Variants in AFG2A observed in about 807,000 individuals in gnomAD.
AFG2A encodes AAA ATPase AFG2A.
the AFG2A span, among the ~76,000 whole-genome samples, chr4:123,045,202 CTA>C: frequency 1.3e-5 from 2 of 152,010 alleles, no homozygotes. Context: ...TTTAAGATCT[CTA>C]AACTTTACAG....
At chr4:122,982,005 C>G in the AFG2A span, among the ~76,000 whole-genome samples, 1 of 151,440 alleles carries the variant, frequency 6.6e-6, no homozygotes. Flanking sequence ...CTTTTTCTTG[C>G]CTAATTTCCC....
chr4:123,239,861 T>G, the AFG2A span, among the ~76,000 whole-genome samples: 77,966 of 151,974 alleles, frequency 0.51, 24,581 homozygotes, highest in Non-Finnish European at 0.67. Flanking sequence ...GGCTAAATGC[T>G]CCAATTAAAA....
the AFG2A span, among the ~76,000 whole-genome samples, chr4:123,142,817 A>T: frequency 6.6e-6 from 1 of 152,068 alleles, no homozygotes; most frequent in South Asian, 2.1e-4. Flanking sequence ...AGGAATGATA[A>T]CTCTTTTGTA....
chr4:123,210,033 A>G, the AFG2A span, among the ~76,000 whole-genome samples: 1 of 152,122 alleles, frequency 6.6e-6, no homozygotes, highest in African/African-American at 2.4e-5. Context: ...CACTTTGGGA[A>G]ATATTCCCTA....
At chr4:122,952,361 G>T in the AFG2A span, among the ~76,000 whole-genome samples, 7 of 152,190 alleles carry the variant, frequency 4.6e-5, no homozygotes, top group Middle Eastern at 3.4e-3. Flanking sequence ...TGGTTCAAAG[G>T]CCTCATCCTT....
At chr4:122,983,775 T>G in the AFG2A span, among the ~76,000 whole-genome samples, 1 of 152,202 alleles carries the variant, frequency 6.6e-6, no homozygotes, top group Admixed American at 6.5e-5. Context: ...AATATGTATT[T>G]GAGAGCCCCA....
the AFG2A span, among the ~76,000 whole-genome samples, chr4:123,088,458 C>T: frequency 5.9e-5 from 9 of 152,174 alleles, no homozygotes; most frequent in Non-Finnish European, 1.0e-4. Flanking sequence ...CTTTTGCCAA[C>T]TGTGTTTCTA....
chr4:123,101,839 T>G, the AFG2A span, among the ~76,000 whole-genome samples: 1 of 151,880 alleles, frequency 6.6e-6, no homozygotes, highest in South Asian at 2.1e-4. Flanking sequence ...GGGGCCAGAG[T>G]GCCTTATACA....
At chr4:123,216,583 T>C in the AFG2A span, among the ~76,000 whole-genome samples, 1 of 152,092 alleles carries the variant, frequency 6.6e-6, no homozygotes, top group Non-Finnish European at 1.5e-5. Context: ...ACACAACATT[T>C]ATGTAAAACT....
At chr4:123,082,289 C>T in the AFG2A span, among the ~76,000 whole-genome samples, 1 of 152,024 alleles carries the variant, frequency 6.6e-6, no homozygotes, top group South Asian at 2.1e-4. Flanking sequence ...GTAATCTACT[C>T]CGAGTCAGTT....
At chr4:123,107,757 C>T in the AFG2A span, among the ~76,000 whole-genome samples, 1 of 152,240 alleles carries the variant, frequency 6.6e-6, no homozygotes, top group African/African-American at 2.4e-5. Flanking sequence ...CAGCCTCCCT[C>T]CCATGCTCAC....
At chr4:123,101,445 A>G in the AFG2A span, among the ~76,000 whole-genome samples, 102 of 152,088 alleles carry the variant, frequency 6.7e-4, no homozygotes, top group Non-Finnish European at 1.2e-3. Context: ...TTTATTATAT[A>G]TATACTGATA....
the AFG2A span, chr4:123,090,453 G>A: frequency 8.5e-6 from 9 of 1,058,888 alleles, no homozygotes; most frequent in African/African-American, 1.4e-4. Flanking sequence ...AGTCTCAAAT[G>A]CATACTTCAT....
At chr4:123,062,710 G>C in the AFG2A span, among the ~76,000 whole-genome samples, 1 of 152,186 alleles carries the variant, frequency 6.6e-6, no homozygotes, top group Non-Finnish European at 1.5e-5. Flanking sequence ...AAAATGCTTA[G>C]ATTTGTGTAT....
chr4:123,089,130 T>G, the AFG2A span, among the ~76,000 whole-genome samples: 1 of 152,232 alleles, frequency 6.6e-6, no homozygotes. Flanking sequence ...CAACCTCATG[T>G]GCATTTGATT....
the AFG2A span, among the ~76,000 whole-genome samples, chr4:122,982,022 T>C: frequency 1.9e-4 from 29 of 152,146 alleles, no homozygotes; most frequent in African/African-American, 6.0e-4. Flanking sequence ...TCCCTGGCTA[T>C]GACTTTCAGT....
the AFG2A span, among the ~76,000 whole-genome samples, chr4:123,177,266 C>T: frequency 6.8e-6 from 1 of 147,556 alleles, no homozygotes; most frequent in Non-Finnish European, 1.5e-5. Flanking sequence ...GGTCTCGGCT[C>T]ACTGCAGCCT....
chr4:122,952,963 T>G, the AFG2A span, among the ~76,000 whole-genome samples: 11 of 152,168 alleles, frequency 7.2e-5, no homozygotes, highest in Non-Finnish European at 1.3e-4. Flanking sequence ...AGTAATCTAG[T>G]GTCATTGTCC....
the AFG2A span, among the ~76,000 whole-genome samples, chr4:123,107,468 C>A: frequency 6.6e-6 from 1 of 152,226 alleles, no homozygotes; most frequent in Non-Finnish European, 1.5e-5. Flanking sequence ...TCAGAAGGGA[C>A]AGAGTGCATG....
Sources: gnomAD v4.1 joint callset for allele counts (sites outside exome capture counted in the v4.1 genomes callset) on GRCh38, gnomAD v4.1.1 for gene constraint, MANE v1.5 for transcripts, NCBI Gene and HGNC (gene_info 2026-07-23, HGNC 2026-07-21) for gene names.